DRC8: variants seen among roughly 807,000 people sequenced by gnomAD.
The protein encoded by DRC8 is dynein regulatory complex protein 8.
chr1:244,978,408 A>C, the DRC8 span, among the ~76,000 whole-genome samples: 3 of 151,006 alleles, frequency 2.0e-5, no homozygotes, highest in Non-Finnish European at 4.4e-5. Flanking sequence ...TAGGAGAATC[A>C]CTTGAACCCG....
At chr1:245,049,123 T>TA in the DRC8 span, among the ~76,000 whole-genome samples, 3 of 152,182 alleles carry the variant, frequency 2.0e-5, no homozygotes, top group Non-Finnish European at 2.9e-5. This position sits in a 1 kb window ranked among gnomAD's most constrained non-coding sequence, Gnocchi z 4.5. Context: ...TAGCTGGACT[T>TA]ACAGGTGTGT....
At chr1:245,092,760 C>G in the DRC8 span, among the ~76,000 whole-genome samples, 1 of 152,130 alleles carries the variant, frequency 6.6e-6, no homozygotes, top group Non-Finnish European at 1.5e-5. Flanking sequence ...GAGTTAGGCT[C>G]TGCTGCTTAC....
the DRC8 span, among the ~76,000 whole-genome samples, chr1:245,007,631 G>A: frequency 2.0e-5 from 3 of 152,152 alleles, no homozygotes; most frequent in African/African-American, 7.2e-5. Flanking sequence ...AGAGTTGCTT[G>A]TAACACTAAG....
At chr1:245,033,730 C>G in the DRC8 span, among the ~76,000 whole-genome samples, 5 of 150,338 alleles carry the variant, frequency 3.3e-5, no homozygotes, top group African/African-American at 1.2e-4. Flanking sequence ...TTCTTTCTTT[C>G]TTTTTTCTTT....
At chr1:245,099,400 G>A in the DRC8 span, among the ~76,000 whole-genome samples, 1 of 152,182 alleles carries the variant, frequency 6.6e-6, no homozygotes, top group Admixed American at 6.5e-5. Flanking sequence ...CCTAGGACAA[G>A]GGAAGTTCTT....
chr1:245,048,596 CTT>C, the DRC8 span, among the ~76,000 whole-genome samples: 1 of 151,954 alleles, frequency 6.6e-6, no homozygotes, highest in Non-Finnish European at 1.5e-5. Context: ...CTCCTGCACA[CTT>C]TTACTTAGAT....
At chr1:245,092,609 A>T in the DRC8 span, among the ~76,000 whole-genome samples, 3,248 of 152,300 alleles carry the variant, frequency 0.021, 116 homozygotes, top group African/African-American at 0.068. Context: ...GGTGTGCCCC[A>T]TTCCAGACCC....
chr1:245,026,596 A>G, the DRC8 span, among the ~76,000 whole-genome samples: 1 of 152,206 alleles, frequency 6.6e-6, no homozygotes, highest in East Asian at 1.9e-4. Flanking sequence ...ATGGAAAAAC[A>G]TGGAAGAGGA....
the DRC8 span, among the ~76,000 whole-genome samples, chr1:245,068,720 G>A: frequency 6.6e-6 from 1 of 151,942 alleles, no homozygotes; most frequent in Non-Finnish European, 1.5e-5. Flanking sequence ...GGGATTACAG[G>A]TGTGAGCATG....
the DRC8 span, among the ~76,000 whole-genome samples, chr1:245,046,333 C>T: frequency 6.6e-6 from 1 of 151,892 alleles, no homozygotes; most frequent in Non-Finnish European, 1.5e-5. Context: ...GCAGACAGAC[C>T]TCGATCTCTT....
At chr1:244,983,938 C>T in the DRC8 span, among the ~76,000 whole-genome samples, 3 of 151,898 alleles carry the variant, frequency 2.0e-5, no homozygotes, top group Non-Finnish European at 2.9e-5. Context: ...TCCTCATCCT[C>T]TACCCACTTT....
At chr1:245,099,937 CCATCTCCAGAGGT>C in the DRC8 span, among the ~76,000 whole-genome samples, 2 of 152,146 alleles carry the variant, frequency 1.3e-5, no homozygotes, top group Non-Finnish European at 2.9e-5. Context: ...AATCCTGTCC[CCATCTCCAGAGGT>C]CACCTCCCTC....
At chr1:244,986,369 T>G in the DRC8 span, among the ~76,000 whole-genome samples, 29 of 152,198 alleles carry the variant, frequency 1.9e-4, no homozygotes, top group South Asian at 6.2e-4. Flanking sequence ...GAAAGGAGCA[T>G]AGCTTATTAG....
the DRC8 span, among the ~76,000 whole-genome samples, chr1:245,112,265 G>A: frequency 6.6e-6 from 1 of 152,108 alleles, no homozygotes; most frequent in African/African-American, 2.4e-5. Context: ...CTAGAGATGG[G>A]GTTTCTCCAT....
At chr1:244,978,814 C>G in the DRC8 span, among the ~76,000 whole-genome samples, 1 of 152,082 alleles carries the variant, frequency 6.6e-6, no homozygotes, top group Non-Finnish European at 1.5e-5. Context: ...TTTAAATGCA[C>G]TAGTAAAATT....
the DRC8 span, among the ~76,000 whole-genome samples, chr1:245,034,860 GT>G: frequency 0.57 from 77,947 of 136,230 alleles, 22,517 homozygotes; most frequent in East Asian, 0.72. Flanking sequence ...ATAAATGAAA[GT>G]TTTTTTTTTT....
the DRC8 span, chr1:245,083,412 G>T: frequency 6.2e-7 from 1 of 1,603,362 alleles, no homozygotes. Flanking sequence ...AAATACCACG[G>T]CATTTACTCA....
the DRC8 span, among the ~76,000 whole-genome samples, chr1:244,989,226 G>A: frequency 6.6e-6 from 1 of 152,132 alleles, no homozygotes; most frequent in African/African-American, 2.4e-5. Context: ...ACCACACCAG[G>A]CCAATAAAGT....
chr1:245,105,196 A>G, the DRC8 span, among the ~76,000 whole-genome samples: 1 of 152,072 alleles, frequency 6.6e-6, no homozygotes, highest in African/African-American at 2.4e-5. Context: ...TTCCTTCAGG[A>G]GGTAACATAA....
Sources: allele counts gnomAD v4.1 joint callset (sites outside exome capture counted in the v4.1 genomes callset), GRCh38; gene constraint gnomAD v4.1.1; non-coding constraint Gnocchi (gnomAD v3.1); transcripts MANE v1.5; gene names NCBI Gene and HGNC (gene_info 2026-07-23, HGNC 2026-07-21).